The following ZNF444 variants were observed in gnomAD, a reference collection of about 807,000 sequenced individuals.
ZNF444 encodes the protein zinc finger protein 444.
Under a neutral mutation model 14.4 loss-of-function variants are expected in ZNF444, and 8 were observed. The observed-to-expected ratio is 0.56, with a 90% CI of 0.33 to 1.00. ZNF444 has a LOEUF of 1.00. ZNF444 is among the 50% of genes least tolerant of loss of function. ZNF444 has a pLI of 0.03. For synonymous variants in ZNF444, 258 were observed against 235.9 expected (o/e 1.09, Z -0.86); for missense variants, 510 against 504.8 (o/e 1.01, Z -0.10).
chr19:56,137,003 A>C (rs1179318569), upstream of ZNF444, among the ~76,000 whole-genome samples: 1 of 150,840 alleles, frequency 6.6e-6, no homozygotes, highest in Non-Finnish European at 1.5e-5. Context: ...GGCTGGTCTC[A>C]AGCTCCCGAC....
rs2031025549 is a variant in ZNF444, at chr19:56,144,299, A to C, written c.-196-1948A>C. Among the ~76,000 whole-genome samples, 1 of 151,440 alleles carries C rather than the reference A, an allele frequency of 6.6e-6. No individual in the cohort carries two copies. The highest frequency in any genetic ancestry group is 2.4e-5 in the African/African-American group (1 of 41,092). On this transcript the variant is annotated intron_variant, in intron 1 of 4. Coordinates refer to ENST00000337080, the MANE Select transcript of ZNF444 (RefSeq NM_018337.4). This position sits in a 1 kb window ranked among gnomAD's most constrained non-coding sequence, Gnocchi z 4.0. ...GCTCCAGCCTGGGCGACAGAGAGAGACCCTGTCTTAAAAAAAAGAAAAAAG... is the reference window on the plus strand; with the variant it reads ...GCTCCAGCCTGGGCGACAGAGAGAGCCCCTGTCTTAAAAAAAAGAAAAAAG...
intron 1 of ZNF444, among the ~76,000 whole-genome samples, chr19:56,132,959 A>C (rs2030520762): frequency 1.8e-4 from 1 of 5,534 alleles, no homozygotes; most frequent in African/African-American, 2.7e-4. Flanking sequence ...TTTTTTTGAG[A>C]CAGAGTCTCA....
chr19:56,155,982 A>G (rs1482029005), intron 3 of ZNF444: 1 of 152,094 alleles, frequency 6.6e-6, no homozygotes, highest in Non-Finnish European at 1.5e-5. Context: ...AGGTTATTTC[A>G]TCTGTGCTTC....
In ZNF444 at chr19:56,147,151, G is replaced by A. The variant is rs771564854; in HGVS notation, c.240G>A (p.Val80=). ...TGCCCGCCGACACGCAGGCCTGGGT[G>A]TGCAGCCGGCAGCCGCAGAGCGGGG... ...SALPADTQAW[V]CSRQPQSGEE... The change falls in exon 3 of 5, where the codon GTG becomes GTA. Residue 80 remains valine, a synonymous_variant. Transcript: ENST00000337080. This position sits in a 1 kb window ranked among gnomAD's most constrained non-coding sequence, Gnocchi z 5.9. The A allele has an allele frequency of 5.3e-6, 8 of 1,523,586 alleles. No individual in the cohort carries two copies. The highest frequency in any genetic ancestry group is 2.4e-4 in the Middle Eastern group (1 of 4,198). The allele number at this position is 1,523,586 out of a possible 1,614,324, so 94.4% of individuals were successfully genotyped here. A position where few individuals can be genotyped will look rare whatever the true frequency, so the allele number is the denominator to read the frequency against.
At chr19:56,139,348 C>G (rs555521249), upstream of ZNF444, among the ~76,000 whole-genome samples, 2 of 152,106 alleles carry the variant, frequency 1.3e-5, no homozygotes, top group African/African-American at 4.8e-5. Flanking sequence ...ATTTTGAAGA[C>G]AGAGCCAATA....
rs765989722 is a variant in ZNF444, at chr19:56,159,648, G to T, written c.431G>T (p.Gly144Val). Residue 144 changes from glycine to valine, a missense_variant, in exon 5 of 5, where the codon GGG becomes GTG. Gly to Val is a moderately radical substitution (Grantham distance 109, BLOSUM62 -3). Coordinates refer to ENST00000337080, the MANE Select transcript of ZNF444 (RefSeq NM_018337.4). ...PLAGTAPGAE[G>V]PAPGDSQAVR... is the part of the protein sequence containing the mutation. ...GCAGGCACCGCCCCTGGGGCTGAGG[G>T]GCCGGCGCCTGGGGACTCCCAGGCT... The T allele has an allele frequency of 6.2e-6, 9 of 1,455,930 alleles. No homozygotes were observed. The East Asian group carries it at 2.3e-4, about 38-fold the overall frequency. The allele number at this position is 1,455,930 out of a possible 1,614,324, so 90.2% of individuals were successfully genotyped here.
intron 3 of ZNF444, chr19:56,157,389 T>A (rs1032482377): frequency 1.3e-5 from 2 of 151,880 alleles, no homozygotes; most frequent in African/African-American, 4.8e-5. Context: ...TGAGGGCAGG[T>A]GGTTTGCCCC....
intron 4 of ZNF444, 112 bp from the exon 5 acceptor site, chr19:56,159,512 C>T: frequency 1.0e-6 from 1 of 958,862 alleles, no homozygotes; most frequent in Non-Finnish European, 1.5e-6. Context: ...GCCCTCTTCC[C>T]ACCCCAATGG....
chr19:56,138,625 C>T (rs991011590), upstream of ZNF444, among the ~76,000 whole-genome samples: 1 of 151,908 alleles, frequency 6.6e-6, no homozygotes, highest in African/African-American at 2.4e-5. Context: ...AGATTCAGAC[C>T]CTGTCTCAAA....
chr19:56,153,137 G>A (rs972919362), intron 3 of ZNF444, among the ~76,000 whole-genome samples: 1 of 152,140 alleles, frequency 6.6e-6, no homozygotes, highest in Non-Finnish European at 1.5e-5. Context: ...GAGGGGGCAG[G>A]CTCTTCCATT....
intron 3 of ZNF444, chr19:56,157,474 G>C (rs1416778415): frequency 6.6e-6 from 1 of 152,048 alleles, no homozygotes; most frequent in Non-Finnish European, 1.5e-5. Flanking sequence ...TGTGATCTCG[G>C]CTCACTGCAA....
In ZNF444 at chr19:56,158,479, G is replaced by A; in HGVS notation, c.298-15G>A. Reference sequence around the variant, plus strand: ...TGCTCAGGTTTCTGAGTTCAAAACTGTGCTCTCATTTCAGGGGCCAGCAGC... The same window carrying A: ...TGCTCAGGTTTCTGAGTTCAAAACTATGCTCTCATTTCAGGGGCCAGCAGC... On this transcript the variant is annotated splice_polypyrimidine_tract_variant and intron_variant, in intron 3 of 4. Transcript: ENST00000337080. The A allele has an allele frequency of 1.3e-6, 2 of 1,597,116 alleles. No individual in the cohort carries two copies. Among genetic ancestry groups the A allele is most frequent in the Non-Finnish European group, 1.7e-6 (2 of 1,173,084 alleles).
upstream of ZNF444, among the ~76,000 whole-genome samples, chr19:56,139,704 A>C (rs1467362702): frequency 6.0e-5 from 5 of 83,396 alleles, no homozygotes; most frequent in East Asian, 1.3e-3. Flanking sequence ...AAACAAAACA[A>C]AACAAAAAAC....
chr19:56,156,073 A>C (rs1284740647), intron 3 of ZNF444: 1 of 152,172 alleles, frequency 6.6e-6, no homozygotes, highest in Non-Finnish European at 1.5e-5. Flanking sequence ...AGAACCAGGG[A>C]AACATGTTTA....
At chr19:56,137,058 C>A (rs1014480438), upstream of ZNF444, among the ~76,000 whole-genome samples, 1 of 149,806 alleles carries the variant, frequency 6.7e-6, no homozygotes, top group African/African-American at 2.4e-5. Context: ...GCTGGGATTA[C>A]AGGCGTGAGC....
intron 3 of ZNF444, chr19:56,150,535 A>G (rs274176): frequency 0.27 from 107,263 of 393,106 alleles, 20,831 homozygotes; most frequent in African/African-American, 0.63. Flanking sequence ...GTGTCCACAC[A>G]GACGGGAATA....
At chr19:56,138,739 A>G (rs2030667638), upstream of ZNF444, among the ~76,000 whole-genome samples, 1 of 151,218 alleles carries the variant, frequency 6.6e-6, no homozygotes, top group Non-Finnish European at 1.5e-5. Context: ...CAATTTGGGA[A>G]GATGAAAAAT....
rs1476987675 is a variant in ZNF444, at chr19:56,159,940, C to T, written c.723C>T (p.Arg241=). The T allele has an allele frequency of 2.0e-6, 3 of 1,501,892 alleles. No individual in the cohort carries two copies. Among genetic ancestry groups the T allele is most frequent in the Admixed American group, 4.3e-5 (2 of 46,186 alleles). The allele number at this position is 1,501,892 out of a possible 1,614,324, so 93.0% of individuals were successfully genotyped here. ...GSPGSPGPAL[R]PLPAREKPHA... is the part of the protein sequence containing the mutation. ...CCGGCAGCCCCGGGCCCGCGCTGCG[C>T]CCTCTGCCCGCCCGTGAGAAGCCCC... The change falls in exon 5 of 5, where the codon CGC becomes CGT. Residue 241 remains arginine (R), a synonymous_variant. Transcript: ENST00000337080.
chr19:56,159,789 C>T lies in ZNF444; in HGVS notation c.572C>T (p.Pro191Leu). 6.3e-7 allele frequency: 1 copy of T among 1,593,498 alleles called. No homozygotes were observed. ...CPECGKTSLK[P>L]AHLLRHRQSH... ...GAGTGCGGCAAAACGTCCCTGAAAC[C>T]AGCTCACCTGCTGCGCCACCGGCAG... is the stretch of plus-strand genomic sequence containing the variant. Residue 191 changes from proline to leucine, a missense_variant, in exon 5 of 5, where the codon CCA (proline) becomes CTA (leucine). Physicochemically the swap from Pro to Leu is moderately conservative, Grantham distance 98 (BLOSUM62 -3). Coordinates refer to ENST00000337080, the MANE Select transcript of ZNF444 (RefSeq NM_018337.4).
Sources: allele counts gnomAD v4.1 joint callset (sites outside exome capture counted in the v4.1 genomes callset), GRCh38; gene constraint gnomAD v4.1.1; non-coding constraint Gnocchi (gnomAD v3.1); transcripts MANE v1.5; gene names NCBI Gene and HGNC (gene_info 2026-07-23, HGNC 2026-07-21).